PREX2: variants seen among roughly 807,000 people sequenced by gnomAD.
The protein encoded by PREX2 is phosphatidylinositol 3,4,5-trisphosphate-dependent Rac exchanger 2 protein.
Under a neutral mutation model 203.2 loss-of-function variants are expected in PREX2, and 107 were observed. That is an observed-to-expected ratio of 0.53 (90% CI 0.45 to 0.62). The LOEUF is 0.62. PREX2 is among the 20% of genes least tolerant of loss of function. The pLI is 0.00. For missense variants in PREX2, 1,777 were observed against 1,955.9 expected (o/e 0.91, Z 1.72); for synonymous variants, 672 against 663.6 (o/e 1.01, Z -0.19).
chr8:67,963,669 A>AC lies in PREX2; in HGVS notation c.141+11134_141+11135insC, dbSNP rs1554557201. Among the ~76,000 whole-genome samples the AC allele has an allele frequency of 8.7e-3, 1,310 of 149,974 alleles. 13 individuals are homozygous for AC. The highest frequency in any genetic ancestry group is 0.03 in the African/African-American group (1,227 of 40,956). On this transcript the variant is annotated intron_variant, in intron 1 of 39. Coordinates refer to ENST00000288368, the MANE Select transcript of PREX2 (RefSeq NM_024870.4). ...GTTTTTCCTTTAGAAAAAGAATAGT[A>AC]TTTTTTTTTTACCTGTACTTAACAT...
chr8:68,234,973 C>G lies in PREX2; in HGVS notation c.*3595C>G, dbSNP rs1381126728. The stretch of plus-strand genomic sequence containing the variant: ...GAATGGGTAAACAAAGCCTAAGGGT[C>G]ATGTTAATTAATTTAACAAAACACA... On this transcript the variant is annotated 3_prime_UTR_variant, in exon 40 of 40. Coordinates refer to ENST00000288368, the MANE Select transcript of PREX2 (RefSeq NM_024870.4). 1 of 152,028 alleles carries G rather than the reference C, an allele frequency of 6.6e-6. No homozygotes were observed. Among genetic ancestry groups the G allele is most frequent in the Non-Finnish European group, 1.5e-5 (1 of 67,998 alleles). 9.4% of individuals were successfully genotyped at this position (152,028 alleles called of 1,614,324 possible).
intron 37 of PREX2, among the ~76,000 whole-genome samples, chr8:68,193,662 G>A (rs1404603): frequency 0.9 from 137,570 of 152,294 alleles, 62,205 homozygotes; most frequent in East Asian, 1. Context: ...AGAACAAGAA[G>A]ACATAAATGG....
intron 5 of PREX2, among the ~76,000 whole-genome samples, chr8:68,027,999 T>G (rs1010480769): frequency 1.3e-5 from 2 of 151,890 alleles, no homozygotes; most frequent in Non-Finnish European, 2.9e-5. Context: ...TGAAACTGCG[T>G]TTTTTGGAAC....
At chr8:68,034,300 G>T (rs1334511172) in intron 6 of PREX2, among the ~76,000 whole-genome samples, 1 of 152,162 alleles carries the variant, frequency 6.6e-6, no homozygotes, top group Admixed American at 6.5e-5. Context: ...TGCCTTGGAA[G>T]AGAAGTTTAT....
intron 38 of PREX2, 41 bp downstream of exon 38, chr8:68,217,759 C>T (rs1263668150): frequency 7.0e-7 from 1 of 1,426,012 alleles, no homozygotes; most frequent in Non-Finnish European, 9.8e-7. Flanking sequence ...TTTTGTAGGC[C>T]CTGGACTTGA....
chr8:67,964,412 A>G (rs6472364), intron 1 of PREX2, among the ~76,000 whole-genome samples: 35,540 of 152,202 alleles, frequency 0.23, 4,950 homozygotes, highest in East Asian at 0.54. Flanking sequence ...TCTCTGCCAC[A>G]TTTTGAATCC....
intron 34 of PREX2, among the ~76,000 whole-genome samples, chr8:68,156,547 G>A (rs959649673): frequency 6.6e-6 from 1 of 152,154 alleles, no homozygotes; most frequent in African/African-American, 2.4e-5. Context: ...ATAGTTCTTC[G>A]TTGGGATGGT....
chr8:67,964,822 C>T (rs763254599), intron 1 of PREX2, among the ~76,000 whole-genome samples: 1 of 152,160 alleles, frequency 6.6e-6, no homozygotes, highest in Admixed American at 6.5e-5. Flanking sequence ...CTTCAAGCCT[C>T]GGATCATTGT....
chr8:68,014,035 T>C (rs1807342491), intron 1 of PREX2, among the ~76,000 whole-genome samples: 1 of 152,198 alleles, frequency 6.6e-6, no homozygotes, highest in South Asian at 2.1e-4. Context: ...TTGAAAGAGA[T>C]CATTTTGTAT....
chr8:68,115,761 C>A lies in PREX2; in HGVS notation c.3155C>A (p.Ser1052Tyr). The change falls in exon 26 of 40, where the codon TCT (serine) becomes TAT (tyrosine). Residue 1052 changes from serine to tyrosine, a missense_variant. Transcript: ENST00000288368. ...MCVCQIDDLL[S>Y]SITYSPKLER... The stretch of plus-strand genomic sequence containing the variant: ...TTAATATTACATTGCAGCCTTCTGT[C>A]TTCAATAACATATTCTCCTAAATTA... The A allele has an allele frequency of 1.2e-6, 2 of 1,606,838 alleles. No homozygotes were observed. The highest frequency in any genetic ancestry group is 1.7e-6 in the Non-Finnish European group (2 of 1,177,336).
chr8:68,033,568 G>C (rs969106672), intron 6 of PREX2, among the ~76,000 whole-genome samples: 4 of 152,186 alleles, frequency 2.6e-5, no homozygotes, highest in African/African-American at 9.7e-5. Flanking sequence ...AAAAGCTACA[G>C]TGTCAGACCT....
intron 23 of PREX2, chr8:68,105,042 A>C (rs1180813459): frequency 2.2e-6 from 2 of 893,870 alleles, no homozygotes; most frequent in African/African-American, 3.5e-5. Flanking sequence ...TGCTAAAAAG[A>C]TAGGCAGATT....
rs147412143 is a variant in PREX2, at chr8:67,958,225, C to T, written c.141+5690C>T. ...TCATCACAATACTCTATGGGAGCTGCGACACTAGAGCCATAAGCAAAGTCA... is the reference window on the plus strand; with the variant it reads ...TCATCACAATACTCTATGGGAGCTGTGACACTAGAGCCATAAGCAAAGTCA... On this transcript the variant is annotated intron_variant, in intron 1 of 39. Transcript: ENST00000288368. Among the ~76,000 whole-genome samples, 342 of 152,248 alleles carry T rather than the reference C, an allele frequency of 2.2e-3. 1 individual carries two copies. Among genetic ancestry groups the T allele is most frequent in the Admixed American group, 7.7e-3 (117 of 15,286 alleles).
chr8:68,231,255 AT>A (rs1813164831), intron 39 of PREX2, 77 bp from the exon 40 acceptor site: 5 of 1,011,244 alleles, frequency 4.9e-6, no homozygotes, highest in Non-Finnish European at 6.9e-6. Context: ...TCATCAATGT[AT>A]TTGTTCTACC....
intron 34 of PREX2, among the ~76,000 whole-genome samples, chr8:68,148,203 T>C (rs1180927132): frequency 6.6e-6 from 1 of 152,100 alleles, no homozygotes; most frequent in Non-Finnish European, 1.5e-5. Context: ...GCCGAGATCA[T>C]GCCACTGCAC....
chr8:68,109,011 G>C (rs1190152382), intron 24 of PREX2: 2 of 452,360 alleles, frequency 4.4e-6, no homozygotes, highest in East Asian at 1.4e-4. Context: ...TCTCATAGAA[G>C]TAGAGAGTAG....
At chr8:68,126,335 C>T (rs1469784629) in intron 30 of PREX2, among the ~76,000 whole-genome samples, 2 of 152,076 alleles carry the variant, frequency 1.3e-5, no homozygotes, top group Admixed American at 6.6e-5. Context: ...AGACTTTTCA[C>T]ACATATTCTC....
At chr8:68,169,030 A>G (rs888691060) in intron 35 of PREX2, among the ~76,000 whole-genome samples, 1 of 152,142 alleles carries the variant, frequency 6.6e-6, no homozygotes, top group African/African-American at 2.4e-5. Context: ...GGCTCGTCTA[A>G]CAGAGATATC....
chr8:68,113,767 A>C (rs974575404), intron 25 of PREX2, among the ~76,000 whole-genome samples: 1 of 152,124 alleles, frequency 6.6e-6, no homozygotes, highest in Non-Finnish European at 1.5e-5. Flanking sequence ...CATTTGATAT[A>C]CTAGAAAGTT....
Sources: gnomAD v4.1 joint callset for allele counts (sites outside exome capture counted in the v4.1 genomes callset) on GRCh38, gnomAD v4.1.1 for gene constraint, MANE v1.5 for transcripts, NCBI Gene and HGNC (gene_info 2026-07-23, HGNC 2026-07-21) for gene names.